Variants in KLRG1 observed in about 807,000 individuals in gnomAD.
KLRG1 encodes the protein killer cell lectin like receptor G1.
A neutral mutation model predicts 21.8 loss-of-function variants in KLRG1; 16 were observed. The ratio of observed to expected loss-of-function variants is 0.73; its 90% CI spans 0.50 to 1.11. KLRG1 has a LOEUF of 1.11. KLRG1 is among the 50% of genes most tolerant of loss of function. KLRG1 has a pLI of 0.00. For missense variants in KLRG1, 173 were observed against 218.3 expected (o/e 0.79, Z 1.31); for synonymous variants, 69 against 75.9 (o/e 0.91, Z 0.47).
chr12:9,144,915 C>T, the KLRG1 span, among the ~76,000 whole-genome samples: 6 of 152,162 alleles, frequency 3.9e-5, no homozygotes, highest in African/African-American at 1.4e-4. Context: ...GGCCAATGCC[C>T]TTTGGGGCAG....
At chr12:9,116,164 TTC>T in the KLRG1 span, 1 of 355,816 alleles carries the variant, frequency 2.8e-6, no homozygotes, top group Non-Finnish European at 5.5e-6. Context: ...TTTCAACCTC[TTC>T]TCTCCCTCAC....
the KLRG1 span, among the ~76,000 whole-genome samples, chr12:9,178,285 G>A: frequency 2.6e-5 from 4 of 152,250 alleles, no homozygotes; most frequent in Admixed American, 6.5e-5. Context: ...CATCTTGCTC[G>A]GGATATGAAT....
At chr12:9,180,948 G>A in the KLRG1 span, 33 of 1,596,564 alleles carry the variant, frequency 2.1e-5, no homozygotes, top group South Asian at 3.6e-4. Context: ...CTCTGGAATG[G>A]CCCTTCCTGG....
At position 8,958,099 on chromosome 12, in the gene KLRG1, T is replaced by C. The variant is rs369022732; in HGVS notation, c.-156+7863T>C. 5.3e-5 allele frequency among the ~76,000 whole-genome samples: 8 copies of C among 152,328 alleles called. No individual in the cohort carries two copies. In the East Asian group the frequency reaches 1.2e-3, roughly 22 times the overall value. The stretch of plus-strand genomic sequence containing the variant: ...TTTTTTTAGAGACAGGCTCTTGCTA[T>C]AGTACCCAGGCTGGTCTCAAACTCC... On this transcript the variant is annotated intron_variant, in intron 1 of 4. Transcript: ENST00000539240.
the KLRG1 span, among the ~76,000 whole-genome samples, chr12:9,125,160 C>A: frequency 6.6e-5 from 10 of 152,320 alleles, no homozygotes; most frequent in East Asian, 9.6e-4. Flanking sequence ...AAGGAGCACC[C>A]GCTCCAGGGC....
the KLRG1 span, chr12:9,093,542 C>G: frequency 1.9e-6 from 3 of 1,612,184 alleles, no homozygotes; most frequent in Non-Finnish European, 1.7e-6. Flanking sequence ...CTTCAACATG[C>G]ACCAGGCGTG....
chr12:8,957,138 C>T (rs894000764), intron 1 of KLRG1, among the ~76,000 whole-genome samples: 2 of 152,234 alleles, frequency 1.3e-5, no homozygotes, highest in Non-Finnish European at 2.9e-5. Context: ...ATTTCTTTCA[C>T]TGTAATATCT....
chr12:8,997,370 G>A (rs967660418), intron 3 of KLRG1, among the ~76,000 whole-genome samples: 66 of 152,072 alleles, frequency 4.3e-4, no homozygotes, highest in African/African-American at 1.4e-3. Flanking sequence ...TTGATTTTAC[G>A]TGCCCTGCTG....
the KLRG1 span, among the ~76,000 whole-genome samples, chr12:9,194,686 G>T: frequency 6.6e-6 from 1 of 151,948 alleles, no homozygotes; most frequent in Admixed American, 6.6e-5. Flanking sequence ...GGATGGTCTC[G>T]ATCGCCTGAC....
the KLRG1 span, among the ~76,000 whole-genome samples, chr12:9,111,337 C>T: frequency 6.6e-6 from 1 of 151,966 alleles, no homozygotes; most frequent in South Asian, 2.1e-4. Context: ...GTGGTAAGTG[C>T]AAATAGAAAA....
chr12:9,153,379 A>G, the KLRG1 span: 1 of 1,562,404 alleles, frequency 6.4e-7, no homozygotes, highest in East Asian at 2.2e-5. Flanking sequence ...CCCAAAGAGT[A>G]AATTTTTGGC....
chr12:9,202,349 C>T, the KLRG1 span: 2 of 1,614,072 alleles, frequency 1.2e-6, no homozygotes, highest in Non-Finnish European at 1.7e-6. Flanking sequence ...AATTTTCATC[C>T]ACGGAGACAA....
At chr12:9,097,861 G>A in the KLRG1 span, among the ~76,000 whole-genome samples, 25 of 152,234 alleles carry the variant, frequency 1.6e-4, no homozygotes, top group African/African-American at 6.0e-4. Flanking sequence ...TCAAACTCCT[G>A]ATCTCAAGTT....
At chr12:9,151,835 C>T in the KLRG1 span, among the ~76,000 whole-genome samples, 1 of 152,212 alleles carries the variant, frequency 6.6e-6, no homozygotes, top group East Asian at 1.9e-4. Context: ...ATCCAAGTAA[C>T]ACATTAGAGC....
the KLRG1 span, among the ~76,000 whole-genome samples, chr12:9,149,883 A>G: frequency 6.6e-6 from 1 of 152,166 alleles, no homozygotes; most frequent in Non-Finnish European, 1.5e-5. Context: ...TCTCTCTTCC[A>G]TGACCTCTCT....
chr12:9,077,332 G>T, the KLRG1 span: 20 of 1,608,244 alleles, frequency 1.2e-5, no homozygotes, highest in Middle Eastern at 3.3e-4. Flanking sequence ...GCAGAGGAAT[G>T]GGGTGGTACC....
chr12:9,095,294 ATTTTAATAAACATCACAGAG>A, the KLRG1 span, among the ~76,000 whole-genome samples: 2 of 152,310 alleles, frequency 1.3e-5, no homozygotes, highest in African/African-American at 4.8e-5. Context: ...TGTATATGTG[ATTTTAATAAACATCACAGAG>A]CAATTAATTC....
the KLRG1 span, chr12:9,153,263 G>A: frequency 5.1e-5 from 82 of 1,614,086 alleles, no homozygotes; most frequent in Middle Eastern, 1.3e-3. Context: ...AATCCTGAAC[G>A]GTGACCTGTG....
the KLRG1 span, chr12:9,200,485 A>C: frequency 6.8e-7 from 1 of 1,460,282 alleles, no homozygotes; most frequent in Admixed American, 1.8e-5. Context: ...GAAGGTTGGT[A>C]AACATTTATT....
Sources: allele counts gnomAD v4.1 joint callset (sites outside exome capture counted in the v4.1 genomes callset), GRCh38; gene constraint gnomAD v4.1.1; transcripts MANE v1.5; gene names NCBI Gene and HGNC (gene_info 2026-07-23, HGNC 2026-07-21).